The following BSN variants were observed in gnomAD, a reference collection of about 807,000 sequenced individuals.
BSN encodes protein bassoon.
BSN carries 57 observed loss-of-function variants against 264.8 expected under a neutral mutation model. That is an observed-to-expected ratio of 0.22 (90% CI 0.17 to 0.27). The LOEUF (loss-of-function observed/expected upper bound fraction) is 0.27, where lower values mean the gene tolerates loss of function less well. Ranked by LOEUF, BSN falls within the 10% of genes least tolerant of loss-of-function variation. The pLI, the probability that BSN is intolerant of heterozygous loss-of-function variation, is 1.00. For synonymous variants in BSN, 2,059 were observed against 2,137.3 expected, an observed-to-expected ratio of 0.96 and a Z score of 1.01; for missense variants, 4,615 against 5,232.5, an observed-to-expected ratio of 0.88 and a Z score of 3.64.
intron 1 of BSN, among the ~76,000 whole-genome samples, chr3:49,591,293 CACAT>C (rs2051974948): frequency 1.3e-5 from 2 of 152,162 alleles, no homozygotes; most frequent in Admixed American, 6.5e-5. Context: ...ACAATACAGA[CACAT>C]ACACACATTG....
rs1444762173 is a variant in BSN, at chr3:49,642,080, C to T, written c.634-188C>T. On this transcript the variant is annotated intron_variant, in intron 2 of 11. Transcript: ENST00000296452. The surrounding 1 kb of genome is among the most constrained non-coding windows in gnomAD (Gnocchi z 7.0). ...CCACTGCCTCACATGCCTGGCAACT[C>T]CTAGAGGGCAGGGGAGTGCCATCTG... Among the ~76,000 whole-genome samples the T allele has an allele frequency of 2.0e-5, 3 of 152,146 alleles. No individual in the cohort carries two copies.
chr3:49,579,245 A>G (rs2051874148), intron 1 of BSN, among the ~76,000 whole-genome samples: 1 of 150,112 alleles, frequency 6.7e-6, no homozygotes, highest in African/African-American at 2.5e-5. Flanking sequence ...TGTCTCAGGC[A>G]CCCAAAGTGC....
chr3:49,628,486 G>A (rs1358516487), intron 2 of BSN, among the ~76,000 whole-genome samples: 1 of 152,198 alleles, frequency 6.6e-6, no homozygotes, highest in Non-Finnish European at 1.5e-5. Context: ...TCTGAGATCT[G>A]GAATCACTGT....
chr3:49,598,775 T>C (rs1188411445), intron 1 of BSN, among the ~76,000 whole-genome samples: 1 of 152,172 alleles, frequency 6.6e-6, no homozygotes, highest in Non-Finnish European at 1.5e-5. Flanking sequence ...AGCAAAGATA[T>C]ACTCTCACTA....
At chr3:49,583,719 T>C (rs2051912203) in intron 1 of BSN, among the ~76,000 whole-genome samples, 1 of 152,210 alleles carries the variant, frequency 6.6e-6, no homozygotes, top group East Asian at 1.9e-4. Context: ...TAAAATTACT[T>C]ATTCAGTTTA....
chr3:49,655,589 C>T lies in BSN; in HGVS notation c.6033C>T (p.Asp2011=), dbSNP rs150534351. 4,028 of 1,613,656 alleles carry T rather than the reference C, an allele frequency of 2.5e-3. 8 individuals carry two copies. The highest frequency in any genetic ancestry group is 6.3e-3 in the Admixed American group (376 of 60,030). ...IGQLFQGPGR[D]SAMDLSSLKH... is the part of the protein sequence containing the mutation. The stretch of plus-strand genomic sequence containing the variant: ...AGCTCTTCCAGGGTCCTGGACGAGA[C>T]TCGGCTATGGACCTCAGCTCACTGA... Residue 2011 remains aspartate (D), a synonymous_variant, in exon 5 of 12, where the codon GAC becomes GAT. Coordinates refer to ENST00000296452, the MANE Select transcript of BSN (RefSeq NM_003458.4).
At chr3:49,579,247 C>T (rs570119950) in intron 1 of BSN, among the ~76,000 whole-genome samples, 1 of 152,018 alleles carries the variant, frequency 6.6e-6, no homozygotes, top group African/African-American at 2.4e-5. Context: ...TCTCAGGCAC[C>T]CAAAGTGCTG....
intron 1 of BSN, among the ~76,000 whole-genome samples, chr3:49,604,220 A>T (rs1186381979): frequency 1.3e-5 from 2 of 152,064 alleles, no homozygotes; most frequent in Non-Finnish European, 2.9e-5. Flanking sequence ...CACTGTGCCC[A>T]GCTCAAAATG....
Position 49,657,427 on chromosome 3 carries a change from A to T in BSN, c.7871A>T (p.Gln2624Leu), listed in dbSNP as rs142954661. Residue 2624 changes from glutamine to leucine, a missense_variant, in exon 5 of 12, where the codon CAG becomes CTG. This residue lies in a region of BSN where 3,415 missense variants were observed against 3,866.4 expected (regional missense o/e 0.88). Transcript: ENST00000296452. Reference sequence around the variant, plus strand: ...GACGAAGACAGTGCTGAGTGGGAGCAGCCAGTGCGCCGCCGCAGGTCTCGT... The same window carrying T: ...GACGAAGACAGTGCTGAGTGGGAGCTGCCAGTGCGCCGCCGCAGGTCTCGT... ...TDDEDSAEWEQPVRRRRSRLP... is the reference protein window; with the variant it reads ...TDDEDSAEWELPVRRRRSRLP... The T allele has an allele frequency of 8.7e-6, 14 of 1,612,918 alleles. No homozygotes were observed. Among genetic ancestry groups the T allele is most frequent in the Non-Finnish European group, 1.2e-5 (14 of 1,179,960 alleles).
chr3:49,565,066 G>A (rs2051741984), intron 1 of BSN, among the ~76,000 whole-genome samples: 1 of 149,244 alleles, frequency 6.7e-6, no homozygotes. Flanking sequence ...CTACCACGTA[G>A]CTTCAACAAT....
intron 1 of BSN, among the ~76,000 whole-genome samples, chr3:49,577,967 G>C (rs1405095362): frequency 6.6e-6 from 1 of 152,188 alleles, no homozygotes; most frequent in East Asian, 1.9e-4. Flanking sequence ...GAGAACTGCT[G>C]GGGGTAGCGG....
At chr3:49,610,593 A>AAAC (rs1348022786) in intron 1 of BSN, among the ~76,000 whole-genome samples, 9 of 151,514 alleles carry the variant, frequency 5.9e-5, no homozygotes, top group East Asian at 3.9e-4. Flanking sequence ...TCAAAAAAAA[A>AAAC]AAAAAAAAAA....
At chr3:49,587,913 TTTTCTTTTCTTTTC>T (rs1395476066) in intron 1 of BSN, among the ~76,000 whole-genome samples, 15 of 147,258 alleles carry the variant, frequency 1.0e-4, no homozygotes, top group African/African-American at 3.5e-4. Flanking sequence ...TTTTCTTTTC[TTTTCTTTTCTTTTC>T]TTTTTTTTTT....
At chr3:49,648,407 A>T (rs372219858) in intron 3 of BSN, among the ~76,000 whole-genome samples, 3 of 152,246 alleles carry the variant, frequency 2.0e-5, no homozygotes, top group African/African-American at 7.2e-5. Context: ...TAAACCCATC[A>T]TGCTGACCAT....
At chr3:49,563,902 C>T (rs1248411315) in intron 1 of BSN, among the ~76,000 whole-genome samples, 1 of 152,198 alleles carries the variant, frequency 6.6e-6, no homozygotes, top group East Asian at 1.9e-4. Context: ...GGTTTCCTTA[C>T]ACCTCCTATC....
intron 1 of BSN, among the ~76,000 whole-genome samples, chr3:49,566,574 C>T (rs1559593336): frequency 6.6e-6 from 1 of 151,964 alleles, no homozygotes; most frequent in Non-Finnish European, 1.5e-5. Flanking sequence ...TGCTTGAGCC[C>T]AGGAGTTTGA....
At chr3:49,572,015 C>T (rs1176538397) in intron 1 of BSN, among the ~76,000 whole-genome samples, 1 of 152,158 alleles carries the variant, frequency 6.6e-6, no homozygotes, top group Non-Finnish European at 1.5e-5. Context: ...TGCTGTGTAT[C>T]AGAGTCTGCG....
intron 2 of BSN, among the ~76,000 whole-genome samples, chr3:49,633,394 C>T (rs1236943775): frequency 2.0e-5 from 3 of 151,768 alleles, no homozygotes; most frequent in African/African-American, 7.3e-5. Context: ...CCATCTCATA[C>T]TCGTTAAGGA....
At chr3:49,612,152 T>TTC (rs1299211388) in intron 1 of BSN, among the ~76,000 whole-genome samples, 1 of 151,956 alleles carries the variant, frequency 6.6e-6, no homozygotes, top group East Asian at 1.9e-4. Context: ...TTTTTTTTTT[T>TTC]TGAGACAGAG....
Sources: allele counts gnomAD v4.1 joint callset (sites outside exome capture counted in the v4.1 genomes callset), GRCh38; gene constraint gnomAD v4.1.1; regional missense constraint gnomAD v4.1.1; non-coding constraint Gnocchi (gnomAD v3.1); transcripts MANE v1.5; gene names NCBI Gene and HGNC (gene_info 2026-07-23, HGNC 2026-07-21).